The following STPG2 variants were observed in gnomAD, a reference collection of about 807,000 sequenced individuals.
STPG2 encodes the protein sperm tail PG-rich repeat containing 2.
In STPG2, 56 loss-of-function variants were observed where a neutral mutation model predicts 54.2. The ratio of observed to expected loss-of-function variants is 1.03; its 90% CI spans 0.83 to 1.29. STPG2 has a LOEUF of 1.29. Among genes scored for constraint, STPG2 ranks in the 50% most tolerant of loss-of-function variants. The probability of loss-of-function intolerance (pLI) is 0.00; values close to 1 mark genes in which losing one functional copy is unlikely to be tolerated. For missense variants in STPG2, 596 were observed against 544.9 expected, an observed-to-expected ratio of 1.09 and a Z score of -0.93; for synonymous variants, 200 against 181.8, an observed-to-expected ratio of 1.10 and a Z score of -0.81.
intron 4 of STPG2, among the ~76,000 whole-genome samples, chr4:97,538,585 T>G (rs543273305): frequency 6.6e-6 from 1 of 152,256 alleles, no homozygotes; most frequent in East Asian, 1.9e-4. Flanking sequence ...CTGAAAGTGA[T>G]GGGGAGAATG....
At chr4:97,578,717 C>T (rs907430571) in intron 10 of STPG2, among the ~76,000 whole-genome samples, 1 of 151,656 alleles carries the variant, frequency 6.6e-6, no homozygotes, top group East Asian at 1.9e-4. Flanking sequence ...CTGCAATTTT[C>T]AACAATGGTT....
At chr4:97,947,060 G>T (rs899408684) in intron 7 of STPG2, among the ~76,000 whole-genome samples, 1 of 152,046 alleles carries the variant, frequency 6.6e-6, no homozygotes, top group Admixed American at 6.6e-5. Flanking sequence ...TGTCACCTAT[G>T]ATTTCTTTCG....
At chr4:97,535,230 A>G (rs1248222165) in intron 4 of STPG2, among the ~76,000 whole-genome samples, 1 of 152,208 alleles carries the variant, frequency 6.6e-6, no homozygotes, top group Non-Finnish European at 1.5e-5. Context: ...TGGCTGTATT[A>G]TGGTAAATTC....
chr4:97,993,634 C>T (rs1030398069), intron 5 of STPG2, among the ~76,000 whole-genome samples: 1 of 151,360 alleles, frequency 6.6e-6, no homozygotes, highest in Non-Finnish European at 1.5e-5. Context: ...CCCTCTCTAT[C>T]TTGTGGGATA....
intron 5 of STPG2, among the ~76,000 whole-genome samples, chr4:98,039,961 G>A (rs1736896858): frequency 6.6e-6 from 1 of 151,572 alleles, no homozygotes. Context: ...CTGTTCCCTT[G>A]TTTCTGCATC....
intron 4 of STPG2, among the ~76,000 whole-genome samples, chr4:97,503,698 A>C (rs2148835177): frequency 6.6e-6 from 1 of 150,930 alleles, no homozygotes; most frequent in Middle Eastern, 3.5e-3. Context: ...GCATTTTAAT[A>C]AGCTAATCCA....
chr4:97,458,621 T>C (rs1560617319), intron 4 of STPG2, among the ~76,000 whole-genome samples: 1 of 152,124 alleles, frequency 6.6e-6, no homozygotes, highest in Admixed American at 6.5e-5. Flanking sequence ...TAAATATATT[T>C]TTCCCCTGGA....
chr4:97,884,257 C>T (rs1730480073), intron 8 of STPG2, among the ~76,000 whole-genome samples: 2 of 152,164 alleles, frequency 1.3e-5, no homozygotes, highest in Admixed American at 1.3e-4. Flanking sequence ...CTATTATGAG[C>T]TGAAACGTGT....
intron 8 of STPG2, among the ~76,000 whole-genome samples, chr4:97,875,217 G>C (rs906610953): frequency 1.3e-5 from 2 of 151,938 alleles, no homozygotes; most frequent in Non-Finnish European, 2.9e-5. Context: ...TTTAGGAGTA[G>C]AATATCTGGG....
At chr4:98,141,942 GAAAAAAAAAA>G (rs3974892) in intron 1 of STPG2, among the ~76,000 whole-genome samples, 58 of 96,898 alleles carry the variant, frequency 6.0e-4, no homozygotes, top group African/African-American at 2.3e-3. Flanking sequence ...CAGTAGTTGG[GAAAAAAAAAA>G]AAAAAAAAAA....
intron 10 of STPG2, among the ~76,000 whole-genome samples, chr4:97,607,152 T>A (rs1387318298): frequency 6.6e-6 from 1 of 152,072 alleles, no homozygotes; most frequent in Admixed American, 6.6e-5. Flanking sequence ...TAAAATTTTG[T>A]ATTACTGCAA....
At chr4:97,468,130 A>G (rs1246104278) in intron 4 of STPG2, among the ~76,000 whole-genome samples, 2 of 152,016 alleles carry the variant, frequency 1.3e-5, no homozygotes, top group African/African-American at 4.8e-5. Flanking sequence ...CTATATCTAG[A>G]TTAAAGTTTA....
chr4:97,519,212 A>G (rs894451703), intron 4 of STPG2, among the ~76,000 whole-genome samples: 9 of 152,136 alleles, frequency 5.9e-5, no homozygotes, highest in Admixed American at 5.2e-4. Flanking sequence ...ACAGAAATCA[A>G]TAAAGATCCT....
intron 10 of STPG2, among the ~76,000 whole-genome samples, chr4:97,641,628 A>G (rs373696569): frequency 1.3e-5 from 2 of 151,460 alleles, no homozygotes; most frequent in East Asian, 1.9e-4. Flanking sequence ...GAGCAGTTAT[A>G]CACAGATTTT....
chr4:97,442,596 G>T (rs1005119732), intron 4 of STPG2, among the ~76,000 whole-genome samples: 2 of 152,086 alleles, frequency 1.3e-5, no homozygotes, highest in African/African-American at 2.4e-5. Flanking sequence ...GTGTCCATCT[G>T]TAATGATAAA....
At chr4:97,540,703 T>C (rs376652326) in intron 4 of STPG2, among the ~76,000 whole-genome samples, 68 of 152,242 alleles carry the variant, frequency 4.5e-4, no homozygotes, top group Admixed American at 4.1e-3. Flanking sequence ...TTGATGAACA[T>C]TGATGCAAAA....
At chr4:97,865,365 G>C (rs1361197801) in intron 8 of STPG2, among the ~76,000 whole-genome samples, 1 of 152,210 alleles carries the variant, frequency 6.6e-6, no homozygotes, top group Non-Finnish European at 1.5e-5. Flanking sequence ...CTGGCCATCA[G>C]AGAAATGCAA....
At chr4:97,803,025 T>TAATG (rs1178746436) in intron 9 of STPG2, among the ~76,000 whole-genome samples, 1 of 152,176 alleles carries the variant, frequency 6.6e-6, no homozygotes, top group Non-Finnish European at 1.5e-5. Context: ...CCATAAAATA[T>TAATG]AATGCTCTTG....
At chr4:97,889,257 C>G (rs1049021943) in intron 8 of STPG2, among the ~76,000 whole-genome samples, 7 of 152,232 alleles carry the variant, frequency 4.6e-5, no homozygotes, top group Non-Finnish European at 7.4e-5. Context: ...TTATGGAAAA[C>G]AGTAAAGAGG....
Sources: gnomAD v4.1 joint callset for allele counts (sites outside exome capture counted in the v4.1 genomes callset) on GRCh38, gnomAD v4.1.1 for gene constraint, MANE v1.5 for transcripts, NCBI Gene and HGNC (gene_info 2026-07-23, HGNC 2026-07-21) for gene names.